Variants in RYR3 observed in about 807,000 individuals in gnomAD.
RYR3 encodes the protein brain ryanodine receptor-calcium release channel.
RYR3 carries 207 observed loss-of-function variants against 584.3 expected under a neutral mutation model. The ratio of observed to expected loss-of-function variants is 0.35; its 90% confidence interval spans 0.32 to 0.40. The LOEUF (loss-of-function observed/expected upper bound fraction) is 0.40. RYR3 is among the 10% of genes least tolerant of loss of function. The pLI is 1.00. For synonymous variants in RYR3, 2,416 were observed against 2,248.5 expected (o/e 1.07, Z -2.11); for missense variants, 5,616 against 6,089.2 (o/e 0.92, Z 2.59).
At chr15:33,779,850 T>A (rs1180941955) in intron 64 of RYR3, among the ~76,000 whole-genome samples, 1 of 137,044 alleles carries the variant, frequency 7.3e-6, no homozygotes, top group African/African-American at 2.6e-5. Flanking sequence ...AAAAAAAAAA[T>A]AGAAAAAGAA....
chr15:33,512,910 G>A (rs1162353505), intron 3 of RYR3, among the ~76,000 whole-genome samples: 1 of 152,152 alleles, frequency 6.6e-6, no homozygotes, highest in Non-Finnish European at 1.5e-5. Context: ...TATTATTCAG[G>A]GAGATGTTTT....
In RYR3 at chr15:33,635,698, G is replaced by A; in HGVS notation, c.3260G>A (p.Trp1087Ter). The A allele has an allele frequency of 1.2e-6, 2 of 1,613,982 alleles. No homozygotes were observed. The highest frequency in any genetic ancestry group is 1.7e-6 in the Non-Finnish European group (2 of 1,179,888). Residue 1087 changes from tryptophan to a stop codon, truncating the protein, a stop_gained, in exon 26 of 104, where the codon TGG becomes TAG. Transcript: ENST00000634891. LOFTEE classifies it high-confidence loss of function. ...ERSYAVRSGK[W>*]YFEFEVVTGG... ...TCTTATGCAGTGAGATCTGGAAAGT[G>A]GTATTTTGAGTTTGAAGTGGTGACT...
intron 72 of RYR3, among the ~76,000 whole-genome samples, chr15:33,811,427 T>C (rs1287061313): frequency 6.6e-6 from 1 of 151,364 alleles, no homozygotes; most frequent in Non-Finnish European, 1.5e-5. Context: ...AGGAGAATGG[T>C]GTGAACCTGG....
Position 33,473,495 on chromosome 15 carries a change from T to G in RYR3, c.128T>G (p.Leu43Arg). The G allele has an allele frequency of 6.2e-7, 1 of 1,613,998 alleles. No individual in the cohort carries two copies. The highest frequency in any genetic ancestry group is 1.1e-5 in the South Asian group (1 of 91,084). Residue 43 changes from leucine (L) to arginine (R), a missense_variant, in exon 2 of 104, where the codon CTT becomes CGT. This residue lies in a region of RYR3 where 1,284 missense variants were observed against 1,344.6 expected (regional missense o/e 0.95). Coordinates refer to ENST00000634891, the MANE Select transcript of RYR3 (RefSeq NM_001036.6). Reference sequence around the variant, plus strand: ...AAGTTCTGCCTGGCAGCCGAGGGACTTGGGAATCGCCTGTGCTTCTTGGAA... The same window carrying G: ...AAGTTCTGCCTGGCAGCCGAGGGACGTGGGAATCGCCTGTGCTTCTTGGAA... Reference protein sequence around the residue: ...QRKFCLAAEGLGNRLCFLEPT... With the variant: ...QRKFCLAAEGRGNRLCFLEPT...
chr15:33,598,246 C>CAAAAAAAAAAAA (rs35785154), intron 16 of RYR3, among the ~76,000 whole-genome samples: 24 of 74,258 alleles, frequency 3.2e-4, no homozygotes, highest in African/African-American at 4.8e-4. Flanking sequence ...AAAAATTGCT[C>CAAAAAAAAAAAA]AAAAAAAAAA....
At chr15:33,460,638 A>C (rs1271899319) in intron 1 of RYR3, among the ~76,000 whole-genome samples, 1 of 152,244 alleles carries the variant, frequency 6.6e-6, no homozygotes, top group South Asian at 2.1e-4. Context: ...TGCATGATAC[A>C]TTAAGGAATA....
intron 85 of RYR3, among the ~76,000 whole-genome samples, chr15:33,829,832 C>G (rs1001094114): frequency 2.0e-5 from 3 of 151,924 alleles, no homozygotes; most frequent in African/African-American, 7.3e-5. Context: ...TTGATTGCAA[C>G]CCTTGTGGGT....
intron 1 of RYR3, among the ~76,000 whole-genome samples, chr15:33,393,680 G>T (rs901047783): frequency 6.6e-6 from 1 of 152,174 alleles, no homozygotes; most frequent in African/African-American, 2.4e-5. Flanking sequence ...GTGTATTTTA[G>T]GCTTTGCATG....
intron 55 of RYR3, 126 bp from the exon 56 acceptor site, chr15:33,749,853 T>C: frequency 1.4e-6 from 1 of 718,278 alleles, no homozygotes; most frequent in Admixed American, 2.5e-5. Context: ...TGGGAAGCCC[T>C]TGGCCGTCTG....
chr15:33,415,503 T>A (rs1485483867), intron 1 of RYR3, among the ~76,000 whole-genome samples: 4 of 151,306 alleles, frequency 2.6e-5, no homozygotes, highest in South Asian at 2.1e-4. Context: ...ATACTCTTTT[T>A]TAAAAAAAAA....
chr15:33,833,720 A>G (rs1275867845), intron 86 of RYR3, among the ~76,000 whole-genome samples: 1 of 152,220 alleles, frequency 6.6e-6, no homozygotes, highest in Non-Finnish European at 1.5e-5. Context: ...TGTTACAGAA[A>G]GAATCTAATG....
intron 66 of RYR3, among the ~76,000 whole-genome samples, chr15:33,786,210 A>C (rs74008307): frequency 0.019 from 2,940 of 152,194 alleles, 99 homozygotes; most frequent in African/African-American, 0.068. Context: ...CAGGCCCCTC[A>C]ACTCTCCAGG....
chr15:33,711,765 T>A (rs1210821811), intron 43 of RYR3, among the ~76,000 whole-genome samples: 1 of 152,234 alleles, frequency 6.6e-6, no homozygotes, highest in Non-Finnish European at 1.5e-5. Flanking sequence ...GTCAGCATTT[T>A]GGTCACAACC....
chr15:33,430,740 C>T, intron 1 of RYR3, among the ~76,000 whole-genome samples: 1 of 152,200 alleles, frequency 6.6e-6, no homozygotes. Context: ...TTTTAAGCTA[C>T]TACTATCTTC....
chr15:33,460,153 G>C (rs994964821), intron 1 of RYR3, among the ~76,000 whole-genome samples: 12 of 152,222 alleles, frequency 7.9e-5, no homozygotes, highest in Non-Finnish European at 1.3e-4. Flanking sequence ...CAGAGTGATT[G>C]GACATGGTAG....
At chr15:33,779,238 TC>T (rs1276695816) in intron 64 of RYR3, among the ~76,000 whole-genome samples, 2 of 152,148 alleles carry the variant, frequency 1.3e-5, no homozygotes, top group Admixed American at 1.3e-4. Context: ...TCTTTTTTTT[TC>T]TTTTTGAGTT....
At chr15:33,639,363 G>T (rs894930973) in intron 27 of RYR3, among the ~76,000 whole-genome samples, 1 of 152,168 alleles carries the variant, frequency 6.6e-6, no homozygotes, top group Admixed American at 6.5e-5. Context: ...GCAATGCCTT[G>T]TGAGTTGGTG....
intron 93 of RYR3, 104 bp from the exon 94 acceptor site, chr15:33,848,187 G>T: frequency 2.1e-6 from 3 of 1,417,130 alleles, no homozygotes; most frequent in Non-Finnish European, 2.9e-6. Context: ...ACTATAAGGA[G>T]ATTGCTGCTC....
At chr15:33,339,479 A>G (rs1025893752) in intron 1 of RYR3, among the ~76,000 whole-genome samples, 3 of 152,182 alleles carry the variant, frequency 2.0e-5, no homozygotes, top group African/African-American at 7.2e-5. Context: ...TTTGAAAGAT[A>G]TTTCACATGA....
Sources: allele counts gnomAD v4.1 joint callset (sites outside exome capture counted in the v4.1 genomes callset), GRCh38; gene constraint gnomAD v4.1.1; regional missense constraint gnomAD v4.1.1; transcripts MANE v1.5; gene names NCBI Gene and HGNC (gene_info 2026-07-23, HGNC 2026-07-21).